The following HS6ST3 variants were observed in gnomAD, a reference collection of about 807,000 sequenced individuals.
HS6ST3 encodes heparan-sulfate 6-O-sulfotransferase 3.
Under a neutral mutation model 36.7 loss-of-function variants are expected in HS6ST3, and 12 were observed. That is an observed-to-expected ratio of 0.33 (90% CI 0.21 to 0.53). The LOEUF (loss-of-function observed/expected upper bound fraction) is 0.53. Among genes scored for constraint, HS6ST3 ranks in the 20% least tolerant of loss-of-function variants. HS6ST3 has a pLI of 0.95. For synonymous variants in HS6ST3, 240 were observed against 257.5 expected, an observed-to-expected ratio of 0.93 and a Z score of 0.65; for missense variants, 584 against 640.9, an observed-to-expected ratio of 0.91 and a Z score of 0.96.
chr13:96,643,868 T>G (rs1223546431), intron 1 of HS6ST3, among the ~76,000 whole-genome samples: 1 of 151,916 alleles, frequency 6.6e-6, no homozygotes, highest in Non-Finnish European at 1.5e-5. Context: ...TGGATGGGCA[T>G]AGGGCAAGTT....
At chr13:96,303,179 G>A (rs2054892317) in intron 1 of HS6ST3, among the ~76,000 whole-genome samples, 1 of 152,142 alleles carries the variant, frequency 6.6e-6, no homozygotes, top group African/African-American at 2.4e-5. Context: ...TCATATTAAT[G>A]TTTAACAGAA....
chr13:96,192,087 T>C (rs1365792467), intron 1 of HS6ST3, among the ~76,000 whole-genome samples: 1 of 152,138 alleles, frequency 6.6e-6, no homozygotes, highest in Non-Finnish European at 1.5e-5. Context: ...AGACCTGGGT[T>C]CAAATCTGAC....
intron 1 of HS6ST3, among the ~76,000 whole-genome samples, chr13:96,463,440 G>A (rs1477512246): frequency 2.0e-5 from 3 of 151,974 alleles, no homozygotes; most frequent in Non-Finnish European, 4.4e-5. Context: ...CATACCAAGA[G>A]TAAATTACAA....
chr13:96,792,062 T>TAA (rs1276851601), intron 1 of HS6ST3, among the ~76,000 whole-genome samples: 1 of 152,076 alleles, frequency 6.6e-6, no homozygotes, highest in Non-Finnish European at 1.5e-5. Context: ...ATTAAACACA[T>TAA]ACACACATAT....
chr13:96,120,243 G>A (rs966636908), intron 1 of HS6ST3, among the ~76,000 whole-genome samples: 1 of 152,190 alleles, frequency 6.6e-6, no homozygotes, highest in African/African-American at 2.4e-5. Flanking sequence ...AGGGGCTGGG[G>A]CCCTGGTTTC....
chr13:96,439,051 A>C (rs1226880389), intron 1 of HS6ST3, among the ~76,000 whole-genome samples: 3 of 150,948 alleles, frequency 2.0e-5, no homozygotes, highest in African/African-American at 7.4e-5. Flanking sequence ...TGGGCGATAG[A>C]GCAAGAATCT....
At chr13:96,810,881 G>A (rs1485093597) in intron 1 of HS6ST3, among the ~76,000 whole-genome samples, 3 of 152,158 alleles carry the variant, frequency 2.0e-5, no homozygotes, top group Non-Finnish European at 4.4e-5. Context: ...TTTTACTTGT[G>A]TTAGTCAAAA....
intron 1 of HS6ST3, among the ~76,000 whole-genome samples, chr13:96,118,273 A>G (rs538183094): frequency 7.3e-4 from 111 of 152,266 alleles, no homozygotes; most frequent in Non-Finnish European, 1.4e-3. Flanking sequence ...TGTCCTTATA[A>G]GAAGTAGAGA....
chr13:96,549,231 C>T (rs575575930), intron 1 of HS6ST3, among the ~76,000 whole-genome samples: 2 of 152,156 alleles, frequency 1.3e-5, no homozygotes, highest in Admixed American at 6.5e-5. Flanking sequence ...TTTTGAGGCA[C>T]TCAATAAAAA....
chr13:96,639,673 G>C (rs894051895), intron 1 of HS6ST3, among the ~76,000 whole-genome samples: 1 of 151,860 alleles, frequency 6.6e-6, no homozygotes, highest in Non-Finnish European at 1.5e-5. Context: ...GTGCCCAATA[G>C]TTACTTTATC....
intron 1 of HS6ST3, among the ~76,000 whole-genome samples, chr13:96,787,822 C>G (rs1877689021): frequency 6.6e-6 from 1 of 152,038 alleles, no homozygotes; most frequent in East Asian, 1.9e-4. Context: ...TGTAAGGACT[C>G]TCAGCCTAAC....
At chr13:96,422,980 G>A (rs184282239) in intron 1 of HS6ST3, among the ~76,000 whole-genome samples, 5 of 152,158 alleles carry the variant, frequency 3.3e-5, no homozygotes, top group Admixed American at 1.3e-4. Flanking sequence ...ATATTTTATG[G>A]TAAGAGCACT....
intron 1 of HS6ST3, among the ~76,000 whole-genome samples, chr13:96,257,422 A>C (rs529818108): frequency 6.6e-6 from 1 of 152,200 alleles, no homozygotes; most frequent in Non-Finnish European, 1.5e-5. Flanking sequence ...AGGGATTATC[A>C]TATTTATCTG....
At chr13:96,419,594 C>T (rs570579066) in intron 1 of HS6ST3, among the ~76,000 whole-genome samples, 1 of 152,182 alleles carries the variant, frequency 6.6e-6, no homozygotes, top group Non-Finnish European at 1.5e-5. Context: ...GTACCACAAA[C>T]TGGGTGGCCT....
intron 1 of HS6ST3, among the ~76,000 whole-genome samples, chr13:96,481,282 A>T (rs575114827): frequency 9.9e-4 from 150 of 152,266 alleles, no homozygotes; most frequent in Middle Eastern, 3.4e-3. Context: ...ATAATTTTTT[A>T]AAAATGTGCT....
chr13:96,425,162 C>T (rs1032468681), intron 1 of HS6ST3, among the ~76,000 whole-genome samples: 2 of 152,160 alleles, frequency 1.3e-5, no homozygotes, highest in African/African-American at 4.8e-5. Flanking sequence ...GAAGCCTCTT[C>T]TCTGTCAAAT....
chr13:96,465,960 T>TTG (rs1035523785), intron 1 of HS6ST3, among the ~76,000 whole-genome samples: 41 of 8,742 alleles, frequency 4.7e-3, no homozygotes, highest in African/African-American at 5.1e-3. Context: ...ATTTTTTTAT[T>TTG]TGTGTGTGTG....
At chr13:96,787,245 A>G (rs942094065) in intron 1 of HS6ST3, among the ~76,000 whole-genome samples, 2 of 152,174 alleles carry the variant, frequency 1.3e-5, no homozygotes, top group Non-Finnish European at 2.9e-5. Context: ...AATACCGAGG[A>G]GTAGGATGAC....
intron 1 of HS6ST3, among the ~76,000 whole-genome samples, chr13:96,502,157 C>T (rs1371970655): frequency 6.6e-5 from 10 of 152,238 alleles, no homozygotes; most frequent in Non-Finnish European, 1.3e-4. Flanking sequence ...GTTCAGTTGT[C>T]TTACTGTTCC....
Sources: gnomAD v4.1 joint callset for allele counts (sites outside exome capture counted in the v4.1 genomes callset) on GRCh38, gnomAD v4.1.1 for gene constraint, MANE v1.5 for transcripts, NCBI Gene and HGNC (gene_info 2026-07-23, HGNC 2026-07-21) for gene names.